TUSC3: variants seen among roughly 807,000 people sequenced by gnomAD.
TUSC3 encodes tumor suppressor candidate 3.
A neutral mutation model predicts 44.8 loss-of-function variants in TUSC3; 45 were observed. That is an observed-to-expected ratio of 1.00 (90% CI 0.79 to 1.29). The LOEUF is 1.29. Among genes scored for constraint, TUSC3 ranks in the 50% most tolerant of loss-of-function variants. The pLI, the probability that TUSC3 is intolerant of heterozygous loss-of-function variation, is 0.00. For synonymous variants in TUSC3, 212 were observed against 152.9 expected (o/e 1.39, Z -2.85); for missense variants, 519 against 437.9 (o/e 1.19, Z -1.65).
chr8:15,466,575 T>G (rs1319206619), intron 1 of TUSC3, among the ~76,000 whole-genome samples: 3 of 152,164 alleles, frequency 2.0e-5, no homozygotes, highest in African/African-American at 4.8e-5. Flanking sequence ...TTTTTATCCT[T>G]AATATTTGAG....
chr8:15,822,162 GA>G, the TUSC3 span, among the ~76,000 whole-genome samples: 2 of 151,230 alleles, frequency 1.3e-5, no homozygotes, highest in Non-Finnish European at 2.9e-5. Flanking sequence ...GTCATTAACT[GA>G]AATTGAAAAC....
intron 1 of TUSC3, among the ~76,000 whole-genome samples, chr8:15,580,524 A>C: frequency 1.7e-5 from 1 of 57,518 alleles, no homozygotes; most frequent in African/African-American, 6.4e-5. Context: ...TGGTGACAAA[A>C]TCTCTCAGCA....
chr8:15,785,006 A>AATATATAT, the TUSC3 span, among the ~76,000 whole-genome samples: 1 of 149,472 alleles, frequency 6.7e-6, no homozygotes, highest in Non-Finnish European at 1.5e-5. Flanking sequence ...CATTGTACCT[A>AATATATAT]ATATATATAT....
chr8:15,471,310 A>T (rs149742664), intron 1 of TUSC3, among the ~76,000 whole-genome samples: 2 of 152,276 alleles, frequency 1.3e-5, no homozygotes, highest in South Asian at 2.1e-4. Flanking sequence ...TGTGACCAGA[A>T]ATATGCCTTA....
chr8:15,806,851 C>A, the TUSC3 span: 1 of 1,034,966 alleles, frequency 9.7e-7, no homozygotes, highest in South Asian at 1.3e-5. Flanking sequence ...CGTCTAGAGT[C>A]TTCATAGTTA....
the TUSC3 span, among the ~76,000 whole-genome samples, chr8:15,849,565 A>G: frequency 6.6e-6 from 1 of 152,208 alleles, no homozygotes; most frequent in African/African-American, 2.4e-5. Context: ...ACCAGGAGTT[A>G]CAATCTCCCC....
intron 1 of TUSC3, among the ~76,000 whole-genome samples, chr8:15,420,463 A>C (rs950669005): frequency 2.0e-5 from 3 of 151,766 alleles, no homozygotes; most frequent in Non-Finnish European, 2.9e-5. Flanking sequence ...ATGCCACTGC[A>C]CTCCAGCCTG....
At chr8:15,716,520 T>A (rs555943675) in intron 6 of TUSC3, among the ~76,000 whole-genome samples, 61 of 151,130 alleles carry the variant, frequency 4.0e-4, no homozygotes, top group African/African-American at 1.4e-3. Flanking sequence ...AAAAATTGAG[T>A]AAGTGTGTAT....
chr8:15,768,721 C>CTGA (rs770802052), downstream of TUSC3, among the ~76,000 whole-genome samples: 1 of 152,160 alleles, frequency 6.6e-6, no homozygotes, highest in Non-Finnish European at 1.5e-5. Flanking sequence ...TCCCCTTAAG[C>CTGA]TGATAAGCAA....
intron 1 of TUSC3, among the ~76,000 whole-genome samples, chr8:15,622,369 G>T (rs1267626348): frequency 6.6e-6 from 1 of 151,660 alleles, no homozygotes; most frequent in Non-Finnish European, 1.5e-5. Flanking sequence ...TTGGGCTCAA[G>T]TGATCCTCCC....
At chr8:15,503,688 A>G (rs182317757) in intron 2 of TUSC3, among the ~76,000 whole-genome samples, 1 of 152,154 alleles carries the variant, frequency 6.6e-6, no homozygotes, top group East Asian at 1.9e-4. Context: ...TGGGTAACAG[A>G]GTGAAATCTT....
intron 1 of TUSC3, among the ~76,000 whole-genome samples, chr8:15,577,278 T>C (rs999789558): frequency 6.6e-6 from 1 of 151,522 alleles, no homozygotes; most frequent in Non-Finnish European, 1.5e-5. Flanking sequence ...TTCACTCTGA[T>C]GGTAGTTTCT....
intron 1 of TUSC3, among the ~76,000 whole-genome samples, chr8:15,548,516 C>T (rs781210776): frequency 6.6e-6 from 1 of 151,746 alleles, no homozygotes; most frequent in Non-Finnish European, 1.5e-5. Context: ...TTGCTGAAAC[C>T]ATCTTATTAC....
chr8:15,643,948 T>G lies in TUSC3; in HGVS notation c.309-6749T>G, dbSNP rs1043298830. Among the ~76,000 whole-genome samples the G allele has an allele frequency of 2.4e-4, 36 of 152,220 alleles. 1 individual carries two copies. Among genetic ancestry groups the G allele is most frequent in the South Asian group, 1.0e-3 (5 of 4,834 alleles). On this transcript the variant is annotated intron_variant, in intron 2 of 10. Transcript: ENST00000503731. ...ATTATGGCATAAGTACAATTCATTT[T>G]ACGTATATAACTGTAAAGACATACA...
intron 1 of TUSC3, among the ~76,000 whole-genome samples, chr8:15,616,330 C>T (rs75145472): frequency 0.18 from 27,174 of 152,114 alleles, 2,436 homozygotes; most frequent in South Asian, 0.25. Context: ...GTAATCCCAG[C>T]ACTTTGGGAG....
intron 7 of TUSC3, among the ~76,000 whole-genome samples, chr8:15,735,154 A>G (rs949435133): frequency 1.3e-5 from 2 of 151,968 alleles, no homozygotes; most frequent in Admixed American, 6.5e-5. Context: ...AATATTAAGG[A>G]TAGGGTAGAG....
chr8:15,732,369 C>A (rs1329862740), intron 7 of TUSC3, among the ~76,000 whole-genome samples: 2 of 152,120 alleles, frequency 1.3e-5, no homozygotes, highest in Non-Finnish European at 2.9e-5. Flanking sequence ...AAGGGGCATT[C>A]CCCTGCACAT....
At chr8:15,656,540 C>T (rs1807174403) in intron 3 of TUSC3, among the ~76,000 whole-genome samples, 1 of 152,150 alleles carries the variant, frequency 6.6e-6, no homozygotes. Flanking sequence ...CACGTCCCAT[C>T]ATCTGGGCAC....
chr8:15,810,744 G>A, the TUSC3 span, among the ~76,000 whole-genome samples: 3 of 152,094 alleles, frequency 2.0e-5, no homozygotes, highest in Middle Eastern at 3.2e-3. Flanking sequence ...GATTGAAGTC[G>A]CCCTGCAAAG....
Sources: gnomAD v4.1 joint callset for allele counts (sites outside exome capture counted in the v4.1 genomes callset) on GRCh38, gnomAD v4.1.1 for gene constraint, MANE v1.5 for transcripts, NCBI Gene and HGNC (gene_info 2026-07-23, HGNC 2026-07-21) for gene names.